SSBP3: variants seen among roughly 807,000 people sequenced by gnomAD.
SSBP3 encodes the protein single-stranded DNA-binding protein 3.
Under a neutral mutation model 69.6 loss-of-function variants are expected in SSBP3, and 5 were observed. The ratio of observed to expected loss-of-function variants is 0.07; its 90% CI spans 0.04 to 0.15. SSBP3 has a LOEUF of 0.15. Ranked by LOEUF, SSBP3 falls within the 10% of genes least tolerant of loss-of-function variation. The pLI, the probability that SSBP3 is intolerant of heterozygous loss-of-function variation, is 1.00. For missense variants in SSBP3, 312 were observed against 534.0 expected, an observed-to-expected ratio of 0.58 and a Z score of 4.10; for synonymous variants, 196 against 193.4, an observed-to-expected ratio of 1.01 and a Z score of -0.11.
At chr1:54,401,172 G>T (rs911517578) in intron 4 of SSBP3, among the ~76,000 whole-genome samples, 15 of 152,206 alleles carry the variant, frequency 9.9e-5, no homozygotes, top group Non-Finnish European at 1.5e-5. Context: ...TATGGGAGAT[G>T]AATAGATGGC....
At chr1:54,369,015 C>T (rs1647075847) in intron 4 of SSBP3, among the ~76,000 whole-genome samples, 1 of 152,198 alleles carries the variant, frequency 6.6e-6, no homozygotes, top group East Asian at 1.9e-4. Flanking sequence ...CACCACACTC[C>T]CCTAAAACAA....
In SSBP3 at chr1:54,395,949, T is replaced by C. The variant is rs371497184; in HGVS notation, c.276+5912A>G. On this transcript the variant is annotated intron_variant, in intron 4 of 17. Coordinates refer to ENST00000610401, the Ensembl canonical transcript of SSBP3. ...GGCTCACGCCTGCAATCCCAGCACT[T>C]TGGGAGGCTGAGGCAGTCAGATCAC... Among the ~76,000 whole-genome samples, 6 of 152,104 alleles carry C rather than the reference T, an allele frequency of 3.9e-5. No homozygotes were observed. In the East Asian group the frequency reaches 7.7e-4, roughly 20 times the overall value.
intron 4 of SSBP3, among the ~76,000 whole-genome samples, chr1:54,319,816 T>C (rs1257572785): frequency 2.6e-5 from 4 of 152,118 alleles, no homozygotes; most frequent in African/African-American, 4.8e-5. Flanking sequence ...TCCAGAAAAT[T>C]TGTATTATTC....
At chr1:54,322,490 C>T (rs1486665954) in intron 4 of SSBP3, among the ~76,000 whole-genome samples, 2 of 152,004 alleles carry the variant, frequency 1.3e-5, no homozygotes, top group Non-Finnish European at 2.9e-5. Flanking sequence ...TAGGATATAG[C>T]TCATTCTTAC....
chr1:54,321,181 C>T (rs966996669), intron 4 of SSBP3, among the ~76,000 whole-genome samples: 62 of 152,332 alleles, frequency 4.1e-4, no homozygotes, highest in African/African-American at 1.4e-3. Context: ...GTGACAAAGG[C>T]GTTGACCCAC....
intron 4 of SSBP3, among the ~76,000 whole-genome samples, chr1:54,345,824 G>A (rs970492446): frequency 5.9e-5 from 9 of 151,798 alleles, no homozygotes; most frequent in South Asian, 4.2e-4. Flanking sequence ...TGGGCAACAC[G>A]GTGAAACCCT....
chr1:54,387,292 G>A (rs960201069), intron 4 of SSBP3, among the ~76,000 whole-genome samples: 6 of 152,122 alleles, frequency 3.9e-5, no homozygotes, highest in African/African-American at 1.2e-4. Flanking sequence ...TCAATGATTC[G>A]ACTGCTTAAA....
At chr1:54,294,156 AAAAAAAGAAAGAAAGAAAG>A (rs1319908149) in intron 4 of SSBP3, among the ~76,000 whole-genome samples, 1,171 of 104,300 alleles carry the variant, frequency 0.011, 32 homozygotes, top group African/African-American at 0.035. Flanking sequence ...AAAAAAAAAA[AAAAAAAGAAAGAAAGAAAG>A]AAAGAAAGAA....
chr1:54,303,883 G>A (rs927536540), intron 4 of SSBP3, among the ~76,000 whole-genome samples: 4 of 152,042 alleles, frequency 2.6e-5, no homozygotes, highest in African/African-American at 7.3e-5. Flanking sequence ...AACTAATTTC[G>A]CCTATTTCTT....
chr1:54,359,820 C>G (rs1646924331), intron 4 of SSBP3, among the ~76,000 whole-genome samples: 1 of 152,076 alleles, frequency 6.6e-6, no homozygotes, highest in Non-Finnish European at 1.5e-5. Flanking sequence ...CATCTTGGTA[C>G]CCCACAGCAA....
At chr1:54,367,705 A>C (rs1647051288) in intron 4 of SSBP3, among the ~76,000 whole-genome samples, 1 of 152,180 alleles carries the variant, frequency 6.6e-6, no homozygotes. Flanking sequence ...TAGGAGCAAC[A>C]CTAGGAAGTA....
At chr1:54,273,487 T>C (rs1336475615) in intron 5 of SSBP3, among the ~76,000 whole-genome samples, 1 of 152,214 alleles carries the variant, frequency 6.6e-6, no homozygotes, top group East Asian at 1.9e-4. Flanking sequence ...GTGCCGGTCA[T>C]CTGCCGCTGG....
Position 54,310,746 on chromosome 1 carries a change from C to T in SSBP3, c.277-29219G>A, listed in dbSNP as rs546964100. Reference sequence around the variant, plus strand: ...AGTTCCAACTCTGTGCTTCCACTCACCACTATTTTACAGATTCAAGTACAG... The same window carrying T: ...AGTTCCAACTCTGTGCTTCCACTCATCACTATTTTACAGATTCAAGTACAG... On this transcript the variant is annotated intron_variant, in intron 4 of 17. Transcript: ENST00000610401. Among the ~76,000 whole-genome samples, 9 of 152,322 alleles carry T rather than the reference C, an allele frequency of 5.9e-5. No homozygotes were observed. In the South Asian group the frequency reaches 1.9e-3, roughly 32 times the overall value.
chr1:54,380,174 G>A (rs1373059237), intron 4 of SSBP3, among the ~76,000 whole-genome samples: 1 of 152,218 alleles, frequency 6.6e-6, no homozygotes, highest in Non-Finnish European at 1.5e-5. Flanking sequence ...TCCCACACCA[G>A]GTCATGGGCA....
At chr1:54,275,466 C>T (rs1645268126) in intron 5 of SSBP3, among the ~76,000 whole-genome samples, 1 of 152,254 alleles carries the variant, frequency 6.6e-6, no homozygotes, top group African/African-American at 2.4e-5. Flanking sequence ...CCTCTGCTGG[C>T]TCCTGCTTCC....
intron 4 of SSBP3, among the ~76,000 whole-genome samples, chr1:54,355,181 G>T (rs910914378): frequency 2.0e-5 from 3 of 152,230 alleles, no homozygotes; most frequent in Non-Finnish European, 2.9e-5. Flanking sequence ...ATGAGAGAAT[G>T]AATGAGACCA....
chr1:54,316,595 T>C (rs1459904537), intron 4 of SSBP3, among the ~76,000 whole-genome samples: 3 of 141,074 alleles, frequency 2.1e-5, no homozygotes, highest in African/African-American at 8.2e-5. Context: ...GAGCCGAGAT[T>C]GCGCCACTGC....
At chr1:54,367,771 A>G (rs1163459357) in intron 4 of SSBP3, among the ~76,000 whole-genome samples, 1 of 152,232 alleles carries the variant, frequency 6.6e-6, no homozygotes, top group Non-Finnish European at 1.5e-5. Context: ...TTTTGTTTCT[A>G]AAGTGTGCTC....
At chr1:54,272,503 G>A (rs1478512348) in intron 5 of SSBP3, among the ~76,000 whole-genome samples, 6 of 147,056 alleles carry the variant, frequency 4.1e-5, no homozygotes, top group African/African-American at 1.0e-4. Context: ...AAAAAAAAAG[G>A]GAGAAAAACC....
Sources: allele counts gnomAD v4.1 joint callset (sites outside exome capture counted in the v4.1 genomes callset), GRCh38; gene constraint gnomAD v4.1.1; transcripts MANE v1.5; gene names NCBI Gene and HGNC (gene_info 2026-07-23, HGNC 2026-07-21).